Variants in NCAPD3 observed in about 807,000 individuals in gnomAD.
The protein encoded by NCAPD3 is condensin-2 complex subunit D3.
NCAPD3 carries 105 observed loss-of-function variants against 182.9 expected under a neutral mutation model. The observed-to-expected ratio is 0.57, with a 90% CI of 0.49 to 0.68. The LOEUF (loss-of-function observed/expected upper bound fraction) is 0.68, where lower values mean the gene tolerates loss of function less well. Among genes scored for constraint, NCAPD3 ranks in the 30% least tolerant of loss-of-function variants. NCAPD3 has a pLI of 0.00. For missense variants in NCAPD3, 1,944 were observed against 1,837.0 expected, an observed-to-expected ratio of 1.06 and a Z score of -1.07; for synonymous variants, 815 against 679.9, an observed-to-expected ratio of 1.20 and a Z score of -3.09.
chr11:134,177,328 C>G lies in NCAPD3; in HGVS notation c.2912G>C (p.Arg971Pro). The G allele has an allele frequency of 1.9e-6, 3 of 1,614,184 alleles. No homozygotes were observed. Among genetic ancestry groups the G allele is most frequent in the Non-Finnish European group, 2.5e-6 (3 of 1,180,026 alleles). ...VIIVMCDLCI[R>P]YTIMVDKYIP... is the part of the protein sequence containing the mutation. ...ATACTTGTCCACCATGATGGTGTAG[C>G]GAATGCAGAGATCGCACATTACAAT... Residue 971 changes from arginine (R) to proline (P), a missense_variant, in exon 23 of 35, where the codon CGC becomes CCC. Physicochemically the swap from Arg to Pro is moderately radical, Grantham distance 103 (BLOSUM62 -2). Transcript: ENST00000534548.
chr11:134,165,336 A>T (rs1943742758), intron 27 of NCAPD3, among the ~76,000 whole-genome samples: 2 of 149,618 alleles, frequency 1.3e-5, no homozygotes, highest in South Asian at 4.3e-4. Context: ...GCTTAAGTGG[A>T]GGGGCACACT....
intron 28 of NCAPD3, among the ~76,000 whole-genome samples, chr11:134,161,243 G>A (rs995052090): frequency 5.3e-5 from 8 of 152,064 alleles, no homozygotes; most frequent in Non-Finnish European, 8.8e-5. Context: ...AAGGTCTGAG[G>A]CCCCACTTAG....
At chr11:134,168,403 G>T in intron 26 of NCAPD3, 66 bp downstream of exon 26, 2 of 1,597,900 alleles carry the variant, frequency 1.3e-6, no homozygotes, top group Non-Finnish European at 8.6e-7. Context: ...AGGCCTGCTG[G>T]GCCATTATCA....
At chr11:134,172,969 CCT>C (rs1944050114) in intron 24 of NCAPD3, 1 of 139,014 alleles carries the variant, frequency 7.2e-6, no homozygotes, top group Admixed American at 7.5e-5. Flanking sequence ...AGAGCAAGAC[CCT>C]GTCTCAAAAA....
At chr11:134,156,254 G>A (rs1250225851) in intron 32 of NCAPD3, among the ~76,000 whole-genome samples, 1 of 152,196 alleles carries the variant, frequency 6.6e-6, no homozygotes, top group African/African-American at 2.4e-5. Flanking sequence ...ACAGTGAGGA[G>A]TGGAATGGCC....
chr11:134,202,972 A>G (rs1041821959), intron 12 of NCAPD3, 67 bp from the exon 13 acceptor site: 25 of 1,316,414 alleles, frequency 1.9e-5, no homozygotes, highest in Non-Finnish European at 2.6e-5. Context: ...TTAGCAGGGC[A>G]TGTTACTCAT....
rs558191289 is a variant in NCAPD3, at chr11:134,178,680, A to G, written c.2736T>C (p.Gly912=). 1.3e-6 allele frequency: 2 copies of G among 1,597,390 alleles called. No homozygotes were observed. Among genetic ancestry groups the G allele is most frequent in the South Asian group, 2.3e-5 (2 of 88,528 alleles). The stretch of plus-strand genomic sequence containing the variant: ...CTCTAATCACAGAGGGCATGACAGA[A>G]CCTCTGACCTGGGGGGGTGGCTGAG... ...PASQPPPQVR[G]SVMPSVIRAH... Residue 912 remains glycine (G), a synonymous_variant, in exon 22 of 35, where the codon GGT becomes GGC. Transcript: ENST00000534548.
rs1249088740 is a variant in NCAPD3, at chr11:134,150,303, C to G, written c.*2641G>C. ...CTCTCAGGTTAGCTTTGAACTGCCTCTTCCTGAGATGACTAGGACAGTCTG... is the reference window on the plus strand; with the variant it reads ...CTCTCAGGTTAGCTTTGAACTGCCTGTTCCTGAGATGACTAGGACAGTCTG... On this transcript the variant is annotated 3_prime_UTR_variant, in exon 35 of 35. Coordinates refer to ENST00000534548, the MANE Select transcript of NCAPD3 (RefSeq NM_015261.3). 1 of 152,370 alleles carries G rather than the reference C, an allele frequency of 6.6e-6. No individual in the cohort carries two copies. Among genetic ancestry groups the G allele is most frequent in the Non-Finnish European group, 1.5e-5 (1 of 68,144 alleles). 9.4% of individuals were successfully genotyped at this position (152,370 alleles called of 1,614,324 possible). A position where few individuals can be genotyped will look rare whatever the true frequency, so the allele number is the denominator to read the frequency against.
chr11:134,178,894 G>A lies in NCAPD3; in HGVS notation c.2602C>T (p.Pro868Ser), dbSNP rs1453208361. ...FTLGDIAQLC[P>S]ARVEKRIFLL... Reference sequence around the variant, plus strand: ...AAGATGCGCTTCTCCACCCTGGCTGGACACAGCTGGGCTATATCCCCTAAG... The same window carrying A: ...AAGATGCGCTTCTCCACCCTGGCTGAACACAGCTGGGCTATATCCCCTAAG... The change falls in exon 21 of 35, where the codon CCA becomes TCA. Residue 868 changes from proline (P) to serine (S), a missense_variant. Pro to Ser is a moderately conservative substitution (Grantham distance 74). This residue lies in a region of NCAPD3 where 1,803 missense variants were observed against 1,674.6 expected (regional missense o/e 1.08). Transcript: ENST00000534548. 6.2e-7 allele frequency: 1 copy of A among 1,614,112 alleles called. No individual in the cohort carries two copies. Among genetic ancestry groups the A allele is most frequent in the Non-Finnish European group, 8.5e-7 (1 of 1,179,988 alleles).
intron 19 of NCAPD3, chr11:134,183,110 G>A (rs1228824337): frequency 1.1e-5 from 5 of 456,160 alleles, no homozygotes; most frequent in African/African-American, 4.0e-5. Context: ...GACTTCCTAG[G>A]CCCTGACTGC....
rs576908250 is a variant in NCAPD3 at position 134,169,023 on chromosome 11, G to A, written c.3133C>T (p.Leu1045=). The change falls in exon 25 of 35, where the codon CTG becomes TTG. Residue 1045 remains leucine (L), a synonymous_variant. Coordinates refer to ENST00000534548, the MANE Select transcript of NCAPD3 (RefSeq NM_015261.3). ...AAGAACATGACAGGGTTCCTCTTCA[G>A]TAACAGGTGAGCCAGGCAAAACTCC... is the stretch of plus-strand genomic sequence containing the variant. ...FGEFCLAHLL[L]KRNPVMFFQH... is the part of the protein sequence containing the mutation. The A allele has an allele frequency of 1.2e-6, 2 of 1,614,010 alleles. No homozygotes were observed. The highest frequency in any genetic ancestry group is 1.7e-6 in the Non-Finnish European group (2 of 1,179,960).
At chr11:134,185,609 T>G in intron 16 of NCAPD3, 83 bp from the exon 17 acceptor site, 15 of 1,168,392 alleles carry the variant, frequency 1.3e-5, no homozygotes, top group Non-Finnish European at 1.8e-5. Flanking sequence ...TGAAAGGGTA[T>G]CAACTTCTGC....
intron 15 of NCAPD3, among the ~76,000 whole-genome samples, chr11:134,193,210 C>T (rs1381124848): frequency 1.3e-5 from 2 of 152,114 alleles, no homozygotes; most frequent in African/African-American, 4.8e-5. Context: ...GCAATTAGAA[C>T]AGATGCTGAC....
chr11:134,168,260 T>G (rs1325089581), intron 26 of NCAPD3, 65 bp from the exon 27 acceptor site: 3 of 1,518,284 alleles, frequency 2.0e-6, no homozygotes, highest in East Asian at 2.3e-5. Flanking sequence ...AGAGGAGGTG[T>G]AATTCCCACA....
At chr11:134,166,073 TCAC>T in intron 27 of NCAPD3, among the ~76,000 whole-genome samples, 1 of 56,318 alleles carries the variant, frequency 1.8e-5, no homozygotes, top group African/African-American at 8.6e-5. Flanking sequence ...AGCAGCACAC[TCAC>T]TTGTGAGATG....
At position 134,219,564 on chromosome 11, in the gene NCAPD3, T is replaced by C. The variant is rs1298433169; in HGVS notation, c.219+1008A>G. 2.6e-5 allele frequency among the ~76,000 whole-genome samples: 4 copies of C among 152,230 alleles called. No individual in the cohort carries two copies. In the East Asian group the frequency reaches 7.7e-4, roughly 29 times the overall value. On this transcript the variant is annotated intron_variant, in intron 2 of 34. Coordinates refer to ENST00000534548, the MANE Select transcript of NCAPD3 (RefSeq NM_015261.3). Reference sequence around the variant, plus strand: ...GAATGTTTAATTAGATGATTTAATTTTGTGATGTGAAACTTGGAAGTGAAT... The same window carrying C: ...GAATGTTTAATTAGATGATTTAATTCTGTGATGTGAAACTTGGAAGTGAAT...
intron 27 of NCAPD3, 25 bp downstream of exon 27, chr11:134,167,971 G>C (rs183044722): frequency 6.2e-7 from 1 of 1,607,248 alleles, no homozygotes; most frequent in Admixed American, 1.7e-5. Flanking sequence ...GTGAGAAGAT[G>C]ATCTTAGGGG....
intron 19 of NCAPD3, among the ~76,000 whole-genome samples, chr11:134,182,120 G>A (rs1944311835): frequency 6.6e-6 from 1 of 152,136 alleles, no homozygotes; most frequent in African/African-American, 2.4e-5. Context: ...CAATTCTTAT[G>A]CTTGATCCCA....
chr11:134,181,282 G>T, intron 19 of NCAPD3, 98 bp from the exon 20 acceptor site: 1 of 793,990 alleles, frequency 1.3e-6, no homozygotes, highest in Non-Finnish European at 2.1e-6. Context: ...TCTTCAAATG[G>T]ATAGGCTGTA....
Sources: allele counts gnomAD v4.1 joint callset (sites outside exome capture counted in the v4.1 genomes callset), GRCh38; gene constraint gnomAD v4.1.1; regional missense constraint gnomAD v4.1.1; transcripts MANE v1.5; gene names NCBI Gene and HGNC (gene_info 2026-07-23, HGNC 2026-07-21).